FGD4: variants seen among roughly 807,000 people sequenced by gnomAD.
The protein encoded by FGD4 is FYVE, RhoGEF and PH domain-containing protein 4.
FGD4 carries 42 observed loss-of-function variants against 102.0 expected under a neutral mutation model. That is an observed-to-expected ratio of 0.41 (90% CI 0.32 to 0.53). FGD4 has a LOEUF of 0.53. Among genes scored for constraint, FGD4 ranks in the 20% least tolerant of loss-of-function variants. The pLI, the probability that FGD4 is intolerant of heterozygous loss-of-function variation, is 0.21. For missense variants in FGD4, 902 were observed against 1,078.2 expected (o/e 0.84, Z 2.29); for synonymous variants, 380 against 375.7 (o/e 1.01, Z -0.13).
At chr12:32,599,564 TGGAGA>T (rs1565890200) in intron 5 of FGD4, among the ~76,000 whole-genome samples, 2 of 77,812 alleles carry the variant, frequency 2.6e-5, no homozygotes, top group African/African-American at 7.3e-5. Context: ...TTTTTTTTTT[TGGAGA>T]TGGAGTCTGG....
At chr12:32,549,879 T>A (rs1472993476) in intron 1 of FGD4, among the ~76,000 whole-genome samples, 5 of 152,220 alleles carry the variant, frequency 3.3e-5, no homozygotes. Context: ...CCTTTCCTCC[T>A]CCTTGGCCCT....
chr12:32,538,010 C>T (rs1942454788), intron 1 of FGD4, among the ~76,000 whole-genome samples: 2 of 152,176 alleles, frequency 1.3e-5, no homozygotes, highest in South Asian at 4.1e-4. Flanking sequence ...ATCCTCCCAC[C>T]TCAGCCTCCA....
intron 10 of FGD4, among the ~76,000 whole-genome samples, chr12:32,615,772 GC>G (rs939813203): frequency 6.6e-6 from 1 of 152,020 alleles, no homozygotes; most frequent in African/African-American, 2.4e-5. Flanking sequence ...GAAGGAATGG[GC>G]AAGACAGAGC....
chr12:32,468,383 A>G (rs1027203608), intron 1 of FGD4, among the ~76,000 whole-genome samples: 90 of 152,140 alleles, frequency 5.9e-4, no homozygotes, highest in African/African-American at 2.2e-3. Flanking sequence ...AAAATAGCTG[A>G]CCGACACAGG....
At chr12:32,550,424 C>G (rs1427694014) in intron 1 of FGD4, among the ~76,000 whole-genome samples, 1 of 152,056 alleles carries the variant, frequency 6.6e-6, no homozygotes, top group African/African-American at 2.4e-5. Flanking sequence ...AATCCCATCA[C>G]TTTGGGAGGG....
intron 1 of FGD4, among the ~76,000 whole-genome samples, chr12:32,442,476 T>C (rs1359521059): frequency 6.6e-6 from 1 of 151,956 alleles, no homozygotes; most frequent in Non-Finnish European, 1.5e-5. Flanking sequence ...TAGATTGTTG[T>C]TAACTTGGTG....
At chr12:32,601,631 G>A (rs549005345) in intron 6 of FGD4, among the ~76,000 whole-genome samples, 67 of 152,320 alleles carry the variant, frequency 4.4e-4, no homozygotes, top group South Asian at 3.5e-3. Flanking sequence ...AAGATATCGG[G>A]TAATGTGGAG....
chr12:32,562,202 C>T (rs983798726), intron 1 of FGD4, among the ~76,000 whole-genome samples: 1 of 152,194 alleles, frequency 6.6e-6, no homozygotes. Flanking sequence ...GTAGCAGCTG[C>T]GTTCTGCCCT....
chr12:32,419,509 C>T (rs902167487), intron 1 of FGD4, among the ~76,000 whole-genome samples: 7 of 152,270 alleles, frequency 4.6e-5, no homozygotes, highest in South Asian at 2.1e-4. Flanking sequence ...CTCCCCACCA[C>T]GCAGCCACTG....
At chr12:32,597,623 AC>A (rs1948012912) in intron 4 of FGD4, among the ~76,000 whole-genome samples, 1 of 152,224 alleles carries the variant, frequency 6.6e-6, no homozygotes, top group African/African-American at 2.4e-5. Context: ...TGTAGTAGGC[AC>A]AGGAGATACA....
chr12:32,573,869 C>T (rs1397977115), intron 2 of FGD4, among the ~76,000 whole-genome samples: 4 of 152,146 alleles, frequency 2.6e-5, no homozygotes, highest in African/African-American at 9.7e-5. Flanking sequence ...ATTTGCCAAA[C>T]ATAATGCAAA....
intron 1 of FGD4, among the ~76,000 whole-genome samples, chr12:32,405,800 A>G (rs1159330692): frequency 6.6e-6 from 1 of 152,052 alleles, no homozygotes; most frequent in Non-Finnish European, 1.5e-5. Flanking sequence ...GGGAGATAAC[A>G]TACATATAGT....
intron 10 of FGD4, among the ~76,000 whole-genome samples, chr12:32,615,083 A>C (rs1949366237): frequency 6.6e-6 from 1 of 152,258 alleles, no homozygotes; most frequent in Non-Finnish European, 1.5e-5. Flanking sequence ...CTAAATGTCC[A>C]TTAACTGAAT....
At chr12:32,599,062 A>G (rs1948134657) in intron 5 of FGD4, among the ~76,000 whole-genome samples, 1 of 152,230 alleles carries the variant, frequency 6.6e-6, no homozygotes, top group Admixed American at 6.5e-5. Flanking sequence ...TGAAACATTT[A>G]ATATAGTACC....
At chr12:32,635,062 G>A (rs1440448175) in intron 15 of FGD4, among the ~76,000 whole-genome samples, 1 of 152,142 alleles carries the variant, frequency 6.6e-6, no homozygotes, top group Non-Finnish European at 1.5e-5. Context: ...AAGTATACCT[G>A]TACACTTACA....
At chr12:32,436,857 C>G (rs1221673817) in intron 1 of FGD4, among the ~76,000 whole-genome samples, 3 of 152,160 alleles carry the variant, frequency 2.0e-5, no homozygotes, top group Non-Finnish European at 1.5e-5. Flanking sequence ...GTGGCTCATG[C>G]CTGTAATCCC....
Position 32,576,404 on chromosome 12 carries a change from A to C in FGD4, c.458A>C (p.Lys153Thr), listed in dbSNP as rs1198583383. 3 of 1,614,038 alleles carry C rather than the reference A, an allele frequency of 1.9e-6. No individual in the cohort carries two copies. The highest frequency in any genetic ancestry group is 2.5e-6 in the Non-Finnish European group (3 of 1,180,036). Reference protein sequence around the residue: ...PASASCVSKEKPSKVSDLISR... With the variant: ...PASASCVSKETPSKVSDLISR... ...TCTGCTTCTTGTGTCTCAAAAGAAAAACCCAGTAAGGTATCAGATCTCATC... is the reference window on the plus strand; with the variant it reads ...TCTGCTTCTTGTGTCTCAAAAGAAACACCCAGTAAGGTATCAGATCTCATC... The change falls in exon 3 of 17, where the codon AAA (lysine) becomes ACA (threonine). Residue 153 changes from lysine to threonine, a missense_variant. By Grantham distance (78) the Lys-to-Thr change is moderately conservative. Coordinates refer to ENST00000534526, the MANE Select transcript of FGD4 (RefSeq NM_001370298.3).
Position 32,608,021 on chromosome 12 carries a change from C to T in FGD4, c.1469C>T (p.Pro490Leu). The change falls in exon 8 of 17, where the codon CCC becomes CTC. Residue 490 changes from proline (P) to leucine (L), a missense_variant. Pro to Leu is a moderately conservative substitution (Grantham distance 98, BLOSUM62 -3). Coordinates refer to ENST00000534526, the MANE Select transcript of FGD4 (RefSeq NM_001370298.3). ...HHMLEPVQRIPRYEMLLKDYL... is the reference protein window; with the variant it reads ...HHMLEPVQRILRYEMLLKDYL... ...ATGCTAGAACCTGTTCAGCGGATTC[C>T]CCGGTATGAGATGCTCCTTAAGGAC... is the stretch of plus-strand genomic sequence containing the variant. 6.2e-7 allele frequency: 1 copy of T among 1,614,188 alleles called. No homozygotes were observed. Among genetic ancestry groups the T allele is most frequent in the Non-Finnish European group, 8.5e-7 (1 of 1,180,028 alleles).
rs890601928 is a variant in FGD4, at chr12:32,409,271, C to T, written c.166+9312C>T. On this transcript the variant is annotated intron_variant, in intron 1 of 16. Coordinates refer to ENST00000534526, the MANE Select transcript of FGD4 (RefSeq NM_001370298.3). ...ATTCTATATAACTCTTTCCTCCCCC[C>T]AGTAATTTTTCTTTTTTTTCTTTTT... Among the ~76,000 whole-genome samples, 5 of 149,046 alleles carry T rather than the reference C, an allele frequency of 3.4e-5. No homozygotes were observed. The Admixed American group carries it at 3.4e-4, about 10-fold the overall frequency.
Sources: allele counts gnomAD v4.1 joint callset (sites outside exome capture counted in the v4.1 genomes callset), GRCh38; gene constraint gnomAD v4.1.1; transcripts MANE v1.5; gene names NCBI Gene and HGNC (gene_info 2026-07-23, HGNC 2026-07-21).